The following FANK1 variants were observed in gnomAD, a reference collection of about 807,000 sequenced individuals.
The protein encoded by FANK1 is fibronectin type 3 and ankyrin repeat domains protein 1.
In FANK1, 44 loss-of-function variants were observed where a neutral mutation model predicts 45.3. The observed-to-expected ratio is 0.97, with a 90% CI of 0.76 to 1.25. The LOEUF is 1.25. Among genes scored for constraint, FANK1 ranks in the 50% most tolerant of loss-of-function variants. FANK1 has a pLI of 0.00. For synonymous variants in FANK1, 149 were observed against 152.5 expected, an observed-to-expected ratio of 0.98 and a Z score of 0.17; for missense variants, 391 against 424.4, an observed-to-expected ratio of 0.92 and a Z score of 0.69.
chr10:125,929,068 A>G (rs914498507), intron 1 of FANK1, among the ~76,000 whole-genome samples: 4 of 152,250 alleles, frequency 2.6e-5, no homozygotes, highest in Non-Finnish European at 5.9e-5. Flanking sequence ...ATTAGCAGGA[A>G]CAGTGGCATA....
chr10:125,990,729 A>C (rs979424468), intron 3 of FANK1, among the ~76,000 whole-genome samples: 4 of 152,144 alleles, frequency 2.6e-5, no homozygotes, highest in Admixed American at 2.0e-4. Context: ...GCTGTTTATT[A>C]GTGTGTTCTC....
chr10:125,988,320 A>G (rs1476572795), intron 2 of FANK1, among the ~76,000 whole-genome samples: 2 of 152,216 alleles, frequency 1.3e-5, no homozygotes, highest in Non-Finnish European at 2.9e-5. Flanking sequence ...TATGCTGGCT[A>G]TGTGTCAGGC....
At chr10:125,912,168 A>G (rs1004353617) in intron 1 of FANK1, among the ~76,000 whole-genome samples, 1 of 152,204 alleles carries the variant, frequency 6.6e-6, no homozygotes, top group Non-Finnish European at 1.5e-5. Flanking sequence ...CACCTGATTC[A>G]GATCCTTCCC....
intron 1 of FANK1, among the ~76,000 whole-genome samples, chr10:125,962,921 T>C (rs1327673957): frequency 6.6e-6 from 1 of 152,152 alleles, no homozygotes; most frequent in Non-Finnish European, 1.5e-5. Flanking sequence ...ATTAACATTT[T>C]ACATGAATAT....
intron 1 of FANK1, among the ~76,000 whole-genome samples, chr10:125,948,981 TG>T: frequency 6.8e-6 from 1 of 147,136 alleles, no homozygotes; most frequent in South Asian, 2.3e-4. Context: ...AATCAATAAA[TG>T]TAATCCAGCA....
At chr10:125,898,806 G>A (rs1944790494) in intron 1 of FANK1, among the ~76,000 whole-genome samples, 1 of 151,834 alleles carries the variant, frequency 6.6e-6, no homozygotes, top group Admixed American at 6.6e-5. Flanking sequence ...CCTGAGGAAT[G>A]ACTGTAAATT....
Position 125,973,468 on chromosome 10 carries a change from G to T in FANK1, c.14-6693G>T, listed in dbSNP as rs374173690. The T allele has an allele frequency of 2.3e-5, 23 of 985,132 alleles. No individual in the cohort carries two copies. The African/African-American group carries it at 3.8e-4, about 16-fold the overall frequency. 61.0% of individuals were successfully genotyped at this position (985,132 alleles called of 1,614,324 possible). A position where few individuals can be genotyped will look rare whatever the true frequency, so the allele number is the denominator to read the frequency against. On this transcript the variant is annotated intron_variant, in intron 1 of 10. Transcript: ENST00000368693. ...TGACATCACCAGCCAGAATTGCTGG[G>T]ATTCAGTGAGATGACTCACAGTAAG...
chr10:125,918,946 TG>T (rs1388241469), intron 1 of FANK1, among the ~76,000 whole-genome samples: 4 of 151,982 alleles, frequency 2.6e-5, no homozygotes, highest in Non-Finnish European at 4.4e-5. Context: ...TGGCTGGGAC[TG>T]GTTCAGTCTA....
At chr10:125,988,765 C>T (rs1382038304) in intron 3 of FANK1, 90 bp downstream of exon 3, 1 of 1,592,798 alleles carries the variant, frequency 6.3e-7, no homozygotes, top group Non-Finnish European at 8.6e-7. Flanking sequence ...CTCGTTTGGC[C>T]TTACCAGAAG....
At chr10:125,915,389 A>G (rs1946369329) in intron 1 of FANK1, among the ~76,000 whole-genome samples, 1 of 152,032 alleles carries the variant, frequency 6.6e-6, no homozygotes, top group Non-Finnish European at 1.5e-5. Flanking sequence ...ATTGATGCAT[A>G]AGTGGCTTTG....
intron 7 of FANK1, among the ~76,000 whole-genome samples, 181 bp downstream of exon 7, chr10:126,005,230 G>T (rs1323784081): frequency 1.3e-5 from 2 of 151,916 alleles, no homozygotes; most frequent in Admixed American, 1.3e-4. Context: ...CTTTCCGATT[G>T]TCATGGGGGT....
At position 126,004,707 on chromosome 10, in the gene FANK1, T is replaced by C. The variant is rs1246456091; in HGVS notation, c.540-177T>C. The C allele has an allele frequency of 4.8e-5, 29 of 599,962 alleles. No homozygotes were observed. In the South Asian group the frequency reaches 5.8e-4, roughly 12 times the overall value. The allele number at this position is 599,962 out of a possible 1,614,324, so 37.2% of individuals were successfully genotyped here. Reference sequence around the variant, plus strand: ...ACTTCATTTCTAATATTCCATTGTATGGATATACCACATTTTGTACATCAG... The same window carrying C: ...ACTTCATTTCTAATATTCCATTGTACGGATATACCACATTTTGTACATCAG... On this transcript the variant is annotated intron_variant, in intron 6 of 10. Coordinates refer to ENST00000368693, the MANE Select transcript of FANK1 (RefSeq NM_145235.5).
chr10:125,911,277 GTGGAAAGCCGTCAGCAGAAGGAAGAGGCA>G (rs1221325178), intron 1 of FANK1, among the ~76,000 whole-genome samples: 1 of 152,150 alleles, frequency 6.6e-6, no homozygotes, highest in Admixed American at 6.5e-5. Flanking sequence ...GCCAAGGTGT[GTGGAAAGCCGTCAGCAGAAGGAAGAGGCA>G]TGGAAACGGA....
At chr10:125,919,024 T>A (rs1946721325) in intron 1 of FANK1, among the ~76,000 whole-genome samples, 1 of 151,774 alleles carries the variant, frequency 6.6e-6, no homozygotes, top group African/African-American at 2.4e-5. Flanking sequence ...GAAATAGAAG[T>A]CATGAGAATT....
At chr10:125,968,482 C>T (rs562364472) in intron 1 of FANK1, among the ~76,000 whole-genome samples, 9 of 152,258 alleles carry the variant, frequency 5.9e-5, no homozygotes, top group Non-Finnish European at 1.2e-4. Context: ...AGCAGGGAAA[C>T]TACAATTCTG....
intron 1 of FANK1, among the ~76,000 whole-genome samples, chr10:125,965,124 C>T (rs868828988): frequency 3.3e-5 from 5 of 152,176 alleles, no homozygotes; most frequent in Admixed American, 6.5e-5. Flanking sequence ...GATTGCACTC[C>T]AGCCTGGGCA....
chr10:125,908,329 A>G (rs903078354), intron 1 of FANK1, among the ~76,000 whole-genome samples: 6 of 152,164 alleles, frequency 3.9e-5, no homozygotes, highest in African/African-American at 1.4e-4. Context: ...ACAATCTGCA[A>G]CTGAAAAAAT....
intron 1 of FANK1, among the ~76,000 whole-genome samples, chr10:125,970,269 G>A (rs904064026): frequency 1.3e-5 from 2 of 151,834 alleles, no homozygotes; most frequent in African/African-American, 4.8e-5. Context: ...TTCCAGATGG[G>A]GCGGCTGCTG....
chr10:125,970,275 T>C (rs1950421099), intron 1 of FANK1, among the ~76,000 whole-genome samples: 1 of 151,398 alleles, frequency 6.6e-6, no homozygotes, highest in Non-Finnish European at 1.5e-5. Context: ...ATGGGGCGGC[T>C]GCTGGGCGGG....
Sources: gnomAD v4.1 joint callset for allele counts (sites outside exome capture counted in the v4.1 genomes callset) on GRCh38, gnomAD v4.1.1 for gene constraint, MANE v1.5 for transcripts, NCBI Gene and HGNC (gene_info 2026-07-23, HGNC 2026-07-21) for gene names.